The following AP1G1 variants were observed in gnomAD, a reference collection of about 807,000 sequenced individuals.
AP1G1 encodes the protein AP-1 complex subunit gamma-1.
Under a neutral mutation model 108.3 loss-of-function variants are expected in AP1G1, and 7 were observed. The ratio of observed to expected loss-of-function variants is 0.06; its 90% CI spans 0.04 to 0.12. The LOEUF (loss-of-function observed/expected upper bound fraction) is 0.12, where lower values mean the gene tolerates loss of function less well. Among genes scored for constraint, AP1G1 ranks in the 10% least tolerant of loss-of-function variants. The probability of loss-of-function intolerance (pLI) is 1.00; values close to 1 mark genes in which losing one functional copy is unlikely to be tolerated. For synonymous variants in AP1G1, 379 were observed against 353.5 expected (o/e 1.07, Z -0.81); for missense variants, 756 against 1,010.7 (o/e 0.75, Z 3.42).
chr16:71,757,679 A>C (rs1176074386), intron 11 of AP1G1, among the ~76,000 whole-genome samples: 1 of 152,212 alleles, frequency 6.6e-6, no homozygotes, highest in East Asian at 1.9e-4. Context: ...AGTCTATTAA[A>C]GGCAGAGTCA....
At chr16:71,757,315 G>C (rs575959139) in intron 11 of AP1G1, among the ~76,000 whole-genome samples, 33 of 152,210 alleles carry the variant, frequency 2.2e-4, no homozygotes, top group Admixed American at 1.6e-3. Context: ...GCCGGGTGTG[G>C]TGGCAGGCGC....
At chr16:71,780,048 C>T (rs1239783890) in intron 2 of AP1G1, among the ~76,000 whole-genome samples, 1 of 145,052 alleles carries the variant, frequency 6.9e-6, no homozygotes, top group African/African-American at 2.6e-5. Flanking sequence ...GGCTGGGGTG[C>T]AGTGGTGCGA....
chr16:71,734,743 A>T (rs1472489321), intron 21 of AP1G1, 36 bp from the exon 22 acceptor site: 2 of 1,542,968 alleles, frequency 1.3e-6, no homozygotes, highest in South Asian at 2.2e-5. Context: ...CAGAAAAAGA[A>T]TTACACAACG....
At chr16:71,738,426 C>T (rs1196958769) in intron 21 of AP1G1, among the ~76,000 whole-genome samples, 1 of 152,034 alleles carries the variant, frequency 6.6e-6, no homozygotes, top group Non-Finnish European at 1.5e-5. Context: ...TAAACCAAAC[C>T]TTGATTCACA....
At chr16:71,749,046 A>G (rs1343410012) in intron 15 of AP1G1, among the ~76,000 whole-genome samples, 1 of 152,074 alleles carries the variant, frequency 6.6e-6, no homozygotes, top group Non-Finnish European at 1.5e-5. Context: ...AGCTGGGACT[A>G]CAGGTGCCTG....
At chr16:71,749,800 T>C (rs1400179293) in intron 15 of AP1G1, 94 bp downstream of exon 15, 2 of 1,110,148 alleles carry the variant, frequency 1.8e-6, no homozygotes, top group Non-Finnish European at 2.7e-6. Context: ...CTAAAAAGTT[T>C]TCAAGGAATC....
chr16:71,733,022 T>C lies in AP1G1; in HGVS notation c.*36A>G, dbSNP rs1446487739. 11 of 1,543,906 alleles carry C rather than the reference T, an allele frequency of 7.1e-6. No homozygotes were observed. The highest frequency in any genetic ancestry group is 6.8e-5 in the South Asian group (6 of 88,374). ...AACCTCCTTCCCAGAGTTCCTTTGATTGAGTGGGATAAAGAATGAGAATGG... is the reference window on the plus strand; with the variant it reads ...AACCTCCTTCCCAGAGTTCCTTTGACTGAGTGGGATAAAGAATGAGAATGG... On this transcript the variant is annotated 3_prime_UTR_variant, in exon 23 of 23. Transcript: ENST00000299980.
intron 9 of AP1G1, among the ~76,000 whole-genome samples, chr16:71,763,267 T>G (rs973000471): frequency 1.3e-4 from 20 of 152,200 alleles, no homozygotes; most frequent in African/African-American, 4.6e-4. Flanking sequence ...AGAAAAAACA[T>G]TTTGGGTTTT....
At position 71,772,902 on chromosome 16, in the gene AP1G1, G is replaced by T. The variant is rs1046224879; in HGVS notation, c.468+319C>A. ...AGAGACACAAAGGCACTAATACAAAGATATGGGTATTAATTATTAGGACAA... is the reference window on the plus strand; with the variant it reads ...AGAGACACAAAGGCACTAATACAAATATATGGGTATTAATTATTAGGACAA... On this transcript the variant is annotated intron_variant, in intron 4 of 22. Transcript: ENST00000299980. 13 of 381,266 alleles carry T rather than the reference G, an allele frequency of 3.4e-5. 1 individual carries two copies. The highest frequency in any genetic ancestry group is 8.4e-5 in the South Asian group (4 of 47,428). 23.6% of individuals were successfully genotyped at this position (381,266 alleles called of 1,614,324 possible). A position where few individuals can be genotyped will look rare whatever the true frequency, so the allele number is the denominator to read the frequency against.
intron 4 of AP1G1, among the ~76,000 whole-genome samples, chr16:71,772,659 G>A (rs1440218714): frequency 6.6e-6 from 1 of 152,178 alleles, no homozygotes; most frequent in Non-Finnish European, 1.5e-5. Flanking sequence ...ATGCCAAACA[G>A]ATCACAGTTT....
At chr16:71,766,523 A>T in intron 6 of AP1G1, 3 of 432,260 alleles carry the variant, frequency 6.9e-6, no homozygotes, top group South Asian at 5.1e-5. Context: ...CTAAAAACTC[A>T]ATTTTTAGCT....
chr16:71,764,817 T>C, intron 7 of AP1G1, 91 bp from the exon 8 acceptor site: 1 of 768,308 alleles, frequency 1.3e-6, no homozygotes. Context: ...AAATGAAGTC[T>C]TAGAAATTCA....
chr16:71,745,756 A>G, intron 17 of AP1G1, 142 bp from the exon 18 acceptor site: 1 of 755,268 alleles, frequency 1.3e-6, no homozygotes, highest in South Asian at 1.7e-5. Flanking sequence ...TAGAAGGTAG[A>G]TTACAAGAAT....
chr16:71,774,991 G>T (rs966295139), intron 2 of AP1G1, among the ~76,000 whole-genome samples: 15 of 143,768 alleles, frequency 1.0e-4, no homozygotes, highest in East Asian at 4.2e-4. Flanking sequence ...AAAGTGCTGG[G>T]ATTACAGGCA....
intron 1 of AP1G1, 140 bp from the exon 2 acceptor site, chr16:71,789,622 C>T (rs1476160646): frequency 8.8e-6 from 7 of 795,692 alleles, no homozygotes; most frequent in African/African-American, 3.5e-5. Context: ...CTAAACAAAG[C>T]GTGCTAAGCT....
At chr16:71,780,239 C>T (rs2031959772) in intron 2 of AP1G1, among the ~76,000 whole-genome samples, 2 of 151,932 alleles carry the variant, frequency 1.3e-5, no homozygotes, top group African/African-American at 4.8e-5. Flanking sequence ...AGCAATCCAC[C>T]CGTTTTGGCC....
chr16:71,808,603 G>A (rs2033082491), intron 1 of AP1G1, 160 bp downstream of exon 1: 1 of 1,289,478 alleles, frequency 7.8e-7, no homozygotes, highest in African/African-American at 1.5e-5. Flanking sequence ...AGCCCCTGGG[G>A]CTCCCGGCCT....
intron 2 of AP1G1, 78 bp from the exon 3 acceptor site, chr16:71,774,670 A>G: frequency 6.9e-7 from 1 of 1,448,158 alleles, no homozygotes; most frequent in Non-Finnish European, 9.3e-7. Flanking sequence ...TTTAACCCAG[A>G]GTCCCCAGCT....
At chr16:71,791,763 C>CTTT (rs34099153) in intron 1 of AP1G1, among the ~76,000 whole-genome samples, 20 of 113,362 alleles carry the variant, frequency 1.8e-4, no homozygotes, top group South Asian at 2.8e-4. Flanking sequence ...TAAACTCTGA[C>CTTT]TTTTTTTTTT....
Sources: allele counts gnomAD v4.1 joint callset (sites outside exome capture counted in the v4.1 genomes callset), GRCh38; gene constraint gnomAD v4.1.1; transcripts MANE v1.5; gene names NCBI Gene and HGNC (gene_info 2026-07-23, HGNC 2026-07-21).